Variants in POTEJ observed in about 807,000 individuals in gnomAD.
The protein encoded by POTEJ is POTE ankyrin domain family member J.
Under a neutral mutation model 69.0 loss-of-function variants are expected in POTEJ, and 11 were observed. That is an observed-to-expected ratio of 0.16 (90% CI 0.10 to 0.26). The LOEUF (loss-of-function observed/expected upper bound fraction) is 0.26, where lower values mean the gene tolerates loss of function less well. POTEJ is among the 10% of genes least tolerant of loss of function. The pLI is 1.00. For missense variants in POTEJ, 327 were observed against 1,045.5 expected, an observed-to-expected ratio of 0.31 and a Z score of 9.48; for synonymous variants, 117 against 381.1, an observed-to-expected ratio of 0.31 and a Z score of 8.07.
chr2:130,612,891 A>AT (rs1228572480), intron 1 of POTEJ, among the ~76,000 whole-genome samples: 1 of 137,304 alleles, frequency 7.3e-6, no homozygotes, highest in African/African-American at 2.7e-5. Context: ...TGATAAATTA[A>AT]TTTTTTGTAA....
chr2:130,626,535 G>A (rs1685712056), intron 6 of POTEJ, among the ~76,000 whole-genome samples: 1 of 151,844 alleles, frequency 6.6e-6, no homozygotes. Context: ...TAGTGTGAAA[G>A]CCACCATGAT....
rs780687113 is a variant in POTEJ at position 130,656,635 on chromosome 2, A to G, written c.1875A>G (p.Leu625=). 1 of 1,610,018 alleles carries G rather than the reference A, an allele frequency of 6.2e-7. No homozygotes were observed. Among genetic ancestry groups the G allele is most frequent in the Non-Finnish European group, 8.5e-7 (1 of 1,179,880 alleles). The change falls in exon 15 of 15, where the codon CTA becomes CTG. Residue 625 remains leucine (L), a synonymous_variant. Coordinates refer to ENST00000409602, the MANE Select transcript of POTEJ (RefSeq NM_001277083.2). ...REEIAMLRLE[L]DTMKHQSQLR... ...AAATTGCCATGCTAAGACTGGAGCT[A>G]GACACAATGAAACATCAGAGCCAGC...
At chr2:130,640,963 G>T (rs568665217) in intron 10 of POTEJ, among the ~76,000 whole-genome samples, 1 of 151,980 alleles carries the variant, frequency 6.6e-6, no homozygotes, top group Non-Finnish European at 1.5e-5. Context: ...GTATTAAGGC[G>T]TTCTGGTTAT....
At position 130,657,769 on chromosome 2, in the gene POTEJ, G is replaced by T. The variant is rs1159705473; in HGVS notation, c.3009G>T (p.Trp1003Cys). Reference protein sequence around the residue: ...IAPPKRKYSVWVGGSILASLS... With the variant: ...IAPPKRKYSVCVGGSILASLS... ...CTCCCAAGCGCAAGTACTCCGTGTG[G>T]GTCGGTGGCTCCATCCTGGCCTCGC... Residue 1003 changes from tryptophan (W) to cysteine (C), a missense_variant, in exon 15 of 15, where the codon TGG becomes TGT. Transcript: ENST00000409602. The T allele has an allele frequency of 9.4e-7, 1 of 1,060,600 alleles. No homozygotes were observed. Among genetic ancestry groups the T allele is most frequent in the African/African-American group, 2.4e-5 (1 of 42,454 alleles). 65.7% of individuals were successfully genotyped at this position (1,060,600 alleles called of 1,614,324 possible). A position where few individuals can be genotyped will look rare whatever the true frequency, so the allele number is the denominator to read the frequency against.
At chr2:130,633,446 T>C (rs1433302040) in intron 9 of POTEJ, among the ~76,000 whole-genome samples, 217 of 135,976 alleles carry the variant, frequency 1.6e-3, no homozygotes, top group African/African-American at 5.8e-3. Context: ...CAAAAGTAAA[T>C]CATTACCAAT....
chr2:130,630,872 G>T (rs1440650692), intron 7 of POTEJ, among the ~76,000 whole-genome samples: 1,782 of 138,518 alleles, frequency 0.013, 72 homozygotes, highest in Non-Finnish European at 0.019. Context: ...AATTAAAATT[G>T]GAGAATTTGC....
chr2:130,611,300 G>C (rs1450895002), upstream of POTEJ, among the ~76,000 whole-genome samples: 1 of 48,078 alleles, frequency 2.1e-5, no homozygotes, highest in Non-Finnish European at 5.6e-5. Flanking sequence ...GTGTTTTCTT[G>C]GGGGGGGGGG....
At chr2:130,640,908 C>G (rs1686340594) in intron 10 of POTEJ, among the ~76,000 whole-genome samples, 1 of 152,094 alleles carries the variant, frequency 6.6e-6, no homozygotes, top group Non-Finnish European at 1.5e-5. Flanking sequence ...GCTGCAGGGG[C>G]TCATTGGAGA....
chr2:130,641,440 G>A (rs997094469), intron 10 of POTEJ, among the ~76,000 whole-genome samples: 2 of 148,450 alleles, frequency 1.3e-5, no homozygotes, highest in African/African-American at 4.9e-5. Flanking sequence ...AACATTAATA[G>A]TTGGCAGTTT....
intron 1 of POTEJ, among the ~76,000 whole-genome samples, chr2:130,614,536 T>A (rs1276904342): frequency 6.7e-6 from 1 of 149,036 alleles, no homozygotes; most frequent in Non-Finnish European, 1.5e-5. Context: ...TACTTTGCTA[T>A]ATCAAGTGAG....
rs1231281868 is a variant in POTEJ, at chr2:130,638,032, A to G, written c.1299-587A>G. The stretch of plus-strand genomic sequence containing the variant: ...GAAGCCATAAAGAGTAGGACAGCTA[A>G]GAAGCAAAATTAGGACTTAATAACG... On this transcript the variant is annotated intron_variant, in intron 9 of 14. Coordinates refer to ENST00000409602, the MANE Select transcript of POTEJ (RefSeq NM_001277083.2). 6.7e-5 allele frequency among the ~76,000 whole-genome samples: 10 copies of G among 148,362 alleles called. No homozygotes were observed. In the East Asian group the frequency reaches 1.9e-3, roughly 29 times the overall value.
intron 9 of POTEJ, among the ~76,000 whole-genome samples, chr2:130,637,389 T>C (rs1260956503): frequency 2.0e-5 from 3 of 150,708 alleles, no homozygotes; most frequent in Non-Finnish European, 1.5e-5. Context: ...CGATCTCAGT[T>C]CATTGCAACG....
chr2:130,632,089 T>C (rs1240164183), intron 8 of POTEJ, among the ~76,000 whole-genome samples: 3 of 148,118 alleles, frequency 2.0e-5, no homozygotes, highest in Non-Finnish European at 4.4e-5. Flanking sequence ...CTGTTTAATG[T>C]AAAATCTAGG....
intron 9 of POTEJ, among the ~76,000 whole-genome samples, chr2:130,634,212 A>G (rs879365518): frequency 1.3e-5 from 2 of 152,226 alleles, no homozygotes; most frequent in African/African-American, 2.4e-5. Context: ...AGGTGCTGCA[A>G]GTGAAGTGAC....
At chr2:130,639,368 C>G (rs1686248113) in intron 10 of POTEJ, among the ~76,000 whole-genome samples, 1 of 152,310 alleles carries the variant, frequency 6.6e-6, no homozygotes, top group South Asian at 2.1e-4. Context: ...CTATTACTGA[C>G]TTCATTCCTC....
chr2:130,630,836 A>G (rs1310515327), intron 7 of POTEJ, among the ~76,000 whole-genome samples: 11 of 144,850 alleles, frequency 7.6e-5, no homozygotes, highest in African/African-American at 3.0e-4. Context: ...GATACATAAC[A>G]CTATCATATG....
At chr2:130,649,345 G>C (rs1223006460) in intron 13 of POTEJ, among the ~76,000 whole-genome samples, 1 of 152,240 alleles carries the variant, frequency 6.6e-6, no homozygotes, top group Non-Finnish European at 1.5e-5. Flanking sequence ...AAAAACCTCA[G>C]TGTCATTCTT....
At chr2:130,641,293 G>A (rs1163502479) in intron 10 of POTEJ, among the ~76,000 whole-genome samples, 1 of 152,074 alleles carries the variant, frequency 6.6e-6, no homozygotes, top group Non-Finnish European at 1.5e-5. Context: ...CCTTGGAGTA[G>A]CATCAATGTA....
intron 9 of POTEJ, among the ~76,000 whole-genome samples, chr2:130,634,063 C>T (rs1686002242): frequency 6.6e-6 from 1 of 151,922 alleles, no homozygotes; most frequent in Non-Finnish European, 1.5e-5. Context: ...AGGTGTGCAA[C>T]ATCACACCCA....
Sources: allele counts gnomAD v4.1 joint callset (sites outside exome capture counted in the v4.1 genomes callset), GRCh38; gene constraint gnomAD v4.1.1; transcripts MANE v1.5; gene names NCBI Gene and HGNC (gene_info 2026-07-23, HGNC 2026-07-21).